The following ACYP2 variants were observed in gnomAD, a reference collection of about 807,000 sequenced individuals.
ACYP2 encodes the protein acylphosphatase-2.
In ACYP2, 12 loss-of-function variants were observed where a neutral mutation model predicts 11.2. The observed-to-expected ratio is 1.08, with a 90% CI of 0.69 to 1.74. The LOEUF (loss-of-function observed/expected upper bound fraction) is 1.74. ACYP2 is among the 40% of genes most tolerant of loss of function. ACYP2 has a pLI of 0.00. For synonymous variants in ACYP2, 43 were observed against 32.2 expected, an observed-to-expected ratio of 1.33 and a Z score of -1.13; for missense variants, 134 against 101.9, an observed-to-expected ratio of 1.31 and a Z score of -1.35.
intron 6 of ACYP2, among the ~76,000 whole-genome samples, chr2:54,246,478 A>G (rs2103996780): frequency 6.6e-6 from 1 of 152,164 alleles, no homozygotes; most frequent in East Asian, 1.9e-4. Context: ...TAAGTATTTC[A>G]TCTTTTTCTG....
intron 2 of ACYP2, among the ~76,000 whole-genome samples, chr2:54,029,251 A>G (rs114388748): frequency 5.9e-4 from 90 of 152,266 alleles, no homozygotes; most frequent in African/African-American, 2.0e-3. Flanking sequence ...CTTCACTCCT[A>G]CAAAAACTAC....
Position 54,201,636 on chromosome 2 carries a change from C to CTTTCTTTGTTTCTTTT in ACYP2, c.404+62889_404+62890insTTCTTTGTTTCTTTTT, listed in dbSNP as rs59874821. Among the ~76,000 whole-genome samples the CTTTCTTTGTTTCTTTT allele has an allele frequency of 5.7e-3, 535 of 93,690 alleles. 11 individuals carry two copies. The highest frequency in any genetic ancestry group is 0.013 in the East Asian group (41 of 3,106). 61.5% of individuals were successfully genotyped at this position (93,690 alleles called of 152,430 possible). On this transcript the variant is annotated intron_variant, in intron 6 of 6. Coordinates refer to ENST00000607452, the MANE Select transcript of ACYP2 (RefSeq NM_001320586.2). ...TCTTTCTTTCTTTGTTTCTTTCTTT[C>CTTTCTTTGTTTCTTTT]TCTTTCTTTCTTTCTTTCTTTCTTT...
intron 6 of ACYP2, among the ~76,000 whole-genome samples, chr2:54,184,005 G>A (rs917371244): frequency 6.6e-6 from 1 of 152,150 alleles, no homozygotes; most frequent in Non-Finnish European, 1.5e-5. Flanking sequence ...AGAGAAGCAA[G>A]ATGATAGATG....
chr2:54,295,341 G>T (rs1279148032), intron 6 of ACYP2, among the ~76,000 whole-genome samples: 3 of 152,210 alleles, frequency 2.0e-5, no homozygotes, highest in Non-Finnish European at 4.4e-5. Context: ...GTCATTGCTT[G>T]TGTTCTTCAG....
intron 6 of ACYP2, among the ~76,000 whole-genome samples, chr2:54,280,624 C>T (rs753235255): frequency 3.9e-5 from 6 of 152,056 alleles, no homozygotes; most frequent in East Asian, 1.9e-4. Flanking sequence ...TCCCAAAAGC[C>T]GTGGGCAGAG....
chr2:53,997,687 A>C lies in ACYP2; in HGVS notation c.62+23877A>C, dbSNP rs1013114344. Among the ~76,000 whole-genome samples, 5 of 152,304 alleles carry C rather than the reference A, an allele frequency of 3.3e-5. No individual in the cohort carries two copies. In the South Asian group the frequency reaches 1.0e-3, roughly 32 times the overall value. ...TCTATGTCATTTCCTTTGGTGTAAT[A>C]GGAGCACAGTGTTTATACTTAGCAA... On this transcript the variant is annotated intron_variant, in intron 2 of 6. Transcript: ENST00000607452.
intron 6 of ACYP2, among the ~76,000 whole-genome samples, chr2:54,161,218 A>T (rs1199083860): frequency 6.6e-6 from 1 of 152,210 alleles, no homozygotes; most frequent in African/African-American, 2.4e-5. Flanking sequence ...GATACAGCCA[A>T]TCTGCATATC....
At chr2:54,240,943 T>C (rs1397034079) in intron 6 of ACYP2, among the ~76,000 whole-genome samples, 1 of 152,254 alleles carries the variant, frequency 6.6e-6, no homozygotes, top group Non-Finnish European at 1.5e-5. Context: ...TGAATGTCTG[T>C]TCTCATTGAG....
intron 6 of ACYP2, among the ~76,000 whole-genome samples, chr2:54,260,951 C>T (rs1687749709): frequency 6.6e-6 from 1 of 151,984 alleles, no homozygotes; most frequent in Admixed American, 6.6e-5. Flanking sequence ...TGGTCCAAAC[C>T]ATTGACAGGA....
chr2:54,016,786 C>G (rs1206652386), intron 2 of ACYP2, among the ~76,000 whole-genome samples: 1 of 147,432 alleles, frequency 6.8e-6, no homozygotes, highest in Non-Finnish European at 1.5e-5. Context: ...AGTGCAGTGG[C>G]ACGATCTCGG....
intron 6 of ACYP2, among the ~76,000 whole-genome samples, chr2:54,265,031 T>C (rs1687952061): frequency 6.6e-6 from 1 of 152,188 alleles, no homozygotes; most frequent in Non-Finnish European, 1.5e-5. Flanking sequence ...TAGCAAACTT[T>C]AACTAGGTGG....
At chr2:54,107,748 A>T (rs1316986110) in intron 4 of ACYP2, among the ~76,000 whole-genome samples, 2 of 152,170 alleles carry the variant, frequency 1.3e-5, no homozygotes. Flanking sequence ...GACATAATGA[A>T]TCAAAACCTT....
At chr2:54,297,542 A>T (rs934687666) in intron 6 of ACYP2, among the ~76,000 whole-genome samples, 3 of 152,202 alleles carry the variant, frequency 2.0e-5, no homozygotes, top group Non-Finnish European at 4.4e-5. Context: ...CAGTCCAGCC[A>T]ATGTGATAAA....
intron 2 of ACYP2, among the ~76,000 whole-genome samples, chr2:54,028,927 G>A (rs1674437883): frequency 1.3e-5 from 2 of 152,162 alleles, no homozygotes; most frequent in Admixed American, 1.3e-4. Flanking sequence ...GAGAACTGGT[G>A]GCTGGAGGAT....
At chr2:54,032,265 C>G (rs1674624652) in intron 2 of ACYP2, among the ~76,000 whole-genome samples, 1 of 152,194 alleles carries the variant, frequency 6.6e-6, no homozygotes, top group African/African-American at 2.4e-5. Flanking sequence ...TTAGGTCTAA[C>G]ATTTAAGTCT....
intron 2 of ACYP2, among the ~76,000 whole-genome samples, chr2:53,987,801 C>T (rs1368986988): frequency 6.6e-6 from 1 of 151,980 alleles, no homozygotes; most frequent in African/African-American, 2.4e-5. Flanking sequence ...AATATCTGCT[C>T]ATGTTTTTTG....
chr2:54,186,486 T>C (rs1440119880), intron 6 of ACYP2, among the ~76,000 whole-genome samples: 2 of 152,204 alleles, frequency 1.3e-5, no homozygotes, highest in Non-Finnish European at 2.9e-5. Context: ...ATTAGATTTA[T>C]ATATAAATAG....
chr2:54,059,272 G>A (rs545906588), intron 4 of ACYP2, among the ~76,000 whole-genome samples: 4 of 151,430 alleles, frequency 2.6e-5, no homozygotes, highest in Non-Finnish European at 4.4e-5. Context: ...GGGCTGGAGT[G>A]CAATGGCTCA....
At chr2:54,106,831 C>T (rs1053859453) in intron 4 of ACYP2, among the ~76,000 whole-genome samples, 2 of 152,046 alleles carry the variant, frequency 1.3e-5, no homozygotes, top group African/African-American at 4.8e-5. Context: ...GATCCGCCCC[C>T]CCTCGGCCTC....
Sources: allele counts gnomAD v4.1 joint callset (sites outside exome capture counted in the v4.1 genomes callset), GRCh38; gene constraint gnomAD v4.1.1; transcripts MANE v1.5; gene names NCBI Gene and HGNC (gene_info 2026-07-23, HGNC 2026-07-21).